The following INPP4B variants were observed in gnomAD, a reference collection of about 807,000 sequenced individuals.
The protein encoded by INPP4B is inositol polyphosphate 4-phosphatase type II.
INPP4B carries 55 observed loss-of-function variants against 122.5 expected under a neutral mutation model. The observed-to-expected ratio is 0.45, with a 90% confidence interval of 0.36 to 0.56. The LOEUF (loss-of-function observed/expected upper bound fraction) is 0.56. INPP4B is among the 20% of genes least tolerant of loss of function. INPP4B has a pLI of 0.00. For missense variants in INPP4B, 1,000 were observed against 1,097.7 expected (o/e 0.91, Z 1.26); for synonymous variants, 403 against 388.7 (o/e 1.04, Z -0.43).
intron 1 of INPP4B, among the ~76,000 whole-genome samples, chr4:142,800,038 T>C (rs555471619): frequency 3.5e-4 from 53 of 152,208 alleles, no homozygotes; most frequent in Non-Finnish European, 6.0e-4. Context: ...ATTTAGACTA[T>C]AGAAAGATCA....
intron 12 of INPP4B, among the ~76,000 whole-genome samples, chr4:142,230,117 AT>A (rs1384199947): frequency 3.9e-5 from 6 of 152,198 alleles, no homozygotes; most frequent in Admixed American, 3.9e-4. Flanking sequence ...AGAAATAACC[AT>A]TGTTCATATG....
At chr4:142,158,173 CTG>C (rs1818207164) in intron 17 of INPP4B, among the ~76,000 whole-genome samples, 2 of 152,076 alleles carry the variant, frequency 1.3e-5, no homozygotes, top group Non-Finnish European at 2.9e-5. Flanking sequence ...CTACCTCTCT[CTG>C]TATGTCAGCT....
intron 7 of INPP4B, among the ~76,000 whole-genome samples, chr4:142,367,193 T>C (rs1369171496): frequency 2.7e-5 from 1 of 37,282 alleles, no homozygotes; most frequent in Admixed American, 3.2e-4. Context: ...GTAATATGTG[T>C]GTGTGTGTGT....
chr4:142,205,434 C>T (rs192029030), intron 14 of INPP4B, among the ~76,000 whole-genome samples: 1 of 152,214 alleles, frequency 6.6e-6, no homozygotes. Context: ...ATCTTTAAGT[C>T]ATCTTTAATC....
At chr4:142,735,619 C>G (rs1384159334) in intron 1 of INPP4B, among the ~76,000 whole-genome samples, 4 of 152,168 alleles carry the variant, frequency 2.6e-5, no homozygotes, top group African/African-American at 9.7e-5. Flanking sequence ...GGAGCTGCCA[C>G]AAACCCCGAT....
intron 2 of INPP4B, among the ~76,000 whole-genome samples, chr4:142,587,560 T>C (rs576568384): frequency 5.3e-5 from 8 of 152,218 alleles, no homozygotes; most frequent in South Asian, 2.1e-4. Flanking sequence ...TGTGAGTAAA[T>C]AGTATGTGTA....
Position 142,263,680 on chromosome 4 carries a change from A to C in INPP4B, c.616-3116T>G, listed in dbSNP as rs9995330. 4.9e-5 allele frequency among the ~76,000 whole-genome samples: 4 copies of C among 81,948 alleles called. 1 individual carries two copies. Among genetic ancestry groups the C allele is most frequent in the African/African-American group, 1.5e-4 (4 of 26,462 alleles). The allele number at this position is 81,948 out of a possible 152,430, so 53.8% of individuals were successfully genotyped here. On this transcript the variant is annotated intron_variant, in intron 10 of 25. Transcript: ENST00000262992. Reference sequence around the variant, plus strand: ...TATATATATATATATATATATATATAACATTGAACAATGACAAGTACTAAT... The same window carrying C: ...TATATATATATATATATATATATATCACATTGAACAATGACAAGTACTAAT...
intron 7 of INPP4B, among the ~76,000 whole-genome samples, chr4:142,342,833 T>C (rs989375982): frequency 2.6e-5 from 4 of 152,184 alleles, no homozygotes; most frequent in African/African-American, 9.6e-5. Flanking sequence ...TACTCTCATT[T>C]TGATTTCAGA....
chr4:142,543,617 C>T (rs764330844), intron 2 of INPP4B, among the ~76,000 whole-genome samples: 4 of 151,988 alleles, frequency 2.6e-5, no homozygotes, highest in Non-Finnish European at 5.9e-5. Flanking sequence ...CTTCTAATGA[C>T]GTTCAGTAAT....
intron 1 of INPP4B, among the ~76,000 whole-genome samples, chr4:142,801,854 T>C (rs1428974937): frequency 6.6e-6 from 1 of 152,136 alleles, no homozygotes; most frequent in Non-Finnish European, 1.5e-5. Flanking sequence ...ACAAATTCTG[T>C]TGTGGTCCTG....
intron 1 of INPP4B, among the ~76,000 whole-genome samples, chr4:142,749,030 C>T (rs976489632): frequency 6.6e-6 from 1 of 151,578 alleles, no homozygotes; most frequent in African/African-American, 2.4e-5. Flanking sequence ...ATCCCAGCTA[C>T]TTGGGAGGCT....
chr4:142,682,345 C>T (rs554673999), intron 2 of INPP4B, among the ~76,000 whole-genome samples: 5 of 151,736 alleles, frequency 3.3e-5, no homozygotes, highest in African/African-American at 7.2e-5. Flanking sequence ...AGCTTGAACA[C>T]GGATTATAAA....
At chr4:142,204,682 AC>A (rs1182134888) in intron 14 of INPP4B, among the ~76,000 whole-genome samples, 1 of 152,096 alleles carries the variant, frequency 6.6e-6, no homozygotes, top group Non-Finnish European at 1.5e-5. Context: ...ATATTTGGAT[AC>A]AGAAACAGAC....
At chr4:142,053,485 T>C (rs889737374) in intron 25 of INPP4B, among the ~76,000 whole-genome samples, 4 of 152,046 alleles carry the variant, frequency 2.6e-5, no homozygotes, top group Admixed American at 6.6e-5. Flanking sequence ...TTGGTACTAG[T>C]ATCATTGTTC....
At chr4:142,620,757 T>C (rs996166096) in intron 2 of INPP4B, among the ~76,000 whole-genome samples, 1 of 152,010 alleles carries the variant, frequency 6.6e-6, no homozygotes, top group Admixed American at 6.6e-5. Flanking sequence ...AAAGAAAAAT[T>C]CAAGTTTTCA....
chr4:142,650,253 T>C (rs1223548245), intron 2 of INPP4B, among the ~76,000 whole-genome samples: 1 of 152,206 alleles, frequency 6.6e-6, no homozygotes, highest in African/African-American at 2.4e-5. Context: ...TACCAGCCAC[T>C]GCAAAAACAT....
chr4:142,570,554 A>G (rs993686283), intron 2 of INPP4B, among the ~76,000 whole-genome samples: 1 of 152,086 alleles, frequency 6.6e-6, no homozygotes, highest in Non-Finnish European at 1.5e-5. Context: ...TGAAGGCACG[A>G]TCTGACTTGA....
chr4:142,078,986 T>C (rs982317562), intron 25 of INPP4B, among the ~76,000 whole-genome samples: 11 of 152,020 alleles, frequency 7.2e-5, no homozygotes, highest in African/African-American at 2.4e-4. Flanking sequence ...CCCCAGAATG[T>C]CTGTAAAGTT....
intron 7 of INPP4B, among the ~76,000 whole-genome samples, chr4:142,353,218 G>A (rs1240818333): frequency 1.3e-5 from 2 of 151,968 alleles, no homozygotes; most frequent in South Asian, 2.1e-4. Context: ...AATAGAGAGC[G>A]TGATAATATA....
Sources: gnomAD v4.1 joint callset for allele counts (sites outside exome capture counted in the v4.1 genomes callset) on GRCh38, gnomAD v4.1.1 for gene constraint, MANE v1.5 for transcripts, NCBI Gene and HGNC (gene_info 2026-07-23, HGNC 2026-07-21) for gene names.